Variants in SETD2 observed in about 807,000 individuals in gnomAD.
SETD2 encodes SET domain containing 2, histone lysine methyltransferase.
Under a neutral mutation model 242.1 loss-of-function variants are expected in SETD2, and 31 were observed. The observed-to-expected ratio is 0.13, with a 90% CI of 0.10 to 0.17. The LOEUF (loss-of-function observed/expected upper bound fraction) is 0.17, where lower values mean the gene tolerates loss of function less well. Ranked by LOEUF, SETD2 falls within the 10% of genes least tolerant of loss-of-function variation. SETD2 has a pLI of 1.00. For missense variants in SETD2, 2,481 were observed against 3,046.3 expected (o/e 0.81, Z 4.37); for synonymous variants, 1,006 against 1,066.5 (o/e 0.94, Z 1.11).
chr3:47,052,428 C>T (rs2039886530), intron 15 of SETD2, among the ~76,000 whole-genome samples: 1 of 152,182 alleles, frequency 6.6e-6, no homozygotes, highest in Non-Finnish European at 1.5e-5. Context: ...CTGCTTCAGC[C>T]TCTCAAAGTG....
chr3:47,066,851 G>A (rs1294575298), intron 13 of SETD2: 3 of 406,232 alleles, frequency 7.4e-6, no homozygotes, highest in East Asian at 7.4e-5. Context: ...TGAGTTCAAG[G>A]AAAGCGACAA....
At chr3:47,091,148 GA>G (rs1311663569) in intron 9 of SETD2, among the ~76,000 whole-genome samples, 1 of 152,066 alleles carries the variant, frequency 6.6e-6, no homozygotes, top group African/African-American at 2.4e-5. Context: ...CTTAATCCAA[GA>G]AAGACAATTT....
At chr3:47,159,974 CA>C (rs371726989) in intron 1 of SETD2, among the ~76,000 whole-genome samples, 425 of 126,840 alleles carry the variant, frequency 3.4e-3, no homozygotes, top group Middle Eastern at 0.012. Context: ...GACTCCATTC[CA>C]AAAAAAAAAA....
At position 47,042,552 on chromosome 3, in the gene SETD2, T is replaced by C. The variant is rs2107539152; in HGVS notation, c.7238+9A>G. 6.2e-7 allele frequency: 1 copy of C among 1,614,022 alleles called. No individual in the cohort carries two copies. Among genetic ancestry groups the C allele is most frequent in the Non-Finnish European group, 8.5e-7 (1 of 1,179,964 alleles). ...GCAGACATGGGAACGCCCATACAGC[T>C]CCTCTTACCTTGTGATCACATGGTA... is the stretch of plus-strand genomic sequence containing the variant. On this transcript the variant is annotated intron_variant, in intron 17 of 20. Transcript: ENST00000409792.
At chr3:47,060,814 A>T (rs781077780) in intron 14 of SETD2, among the ~76,000 whole-genome samples, 18 of 152,222 alleles carry the variant, frequency 1.2e-4, no homozygotes, top group Non-Finnish European at 2.1e-4. Flanking sequence ...CAAGCCGTAA[A>T]CTGGGAGAAG....
intron 1 of SETD2, among the ~76,000 whole-genome samples, chr3:47,155,804 T>TCA (rs2044113823): frequency 1.3e-5 from 2 of 152,070 alleles, no homozygotes; most frequent in South Asian, 4.1e-4. Flanking sequence ...AGACCCTGTC[T>TCA]CACACACACA....
At chr3:47,032,861 G>A (rs1008297031) in intron 18 of SETD2, among the ~76,000 whole-genome samples, 1 of 151,266 alleles carries the variant, frequency 6.6e-6, no homozygotes, top group African/African-American at 2.4e-5. Flanking sequence ...GCAATGAGCC[G>A]AGATCGCACC....
At chr3:47,103,503 T>A in intron 6 of SETD2, 80 bp from the exon 7 acceptor site, 1 of 984,746 alleles carries the variant, frequency 1.0e-6, no homozygotes, top group Non-Finnish European at 1.6e-6. Flanking sequence ...TACATACATC[T>A]CTTATGCATC....
chr3:47,036,246 T>C (rs1475994701), intron 18 of SETD2, among the ~76,000 whole-genome samples: 2 of 152,140 alleles, frequency 1.3e-5, no homozygotes, highest in African/African-American at 4.8e-5. Flanking sequence ...AAATATGATA[T>C]CTGATTTCAT....
At chr3:47,145,587 G>C (rs2043833035) in intron 1 of SETD2, 1 of 350,562 alleles carries the variant, frequency 2.9e-6, no homozygotes. Context: ...CCTCACATCA[G>C]GTCATGTGTA....
chr3:47,115,566 A>G (rs913735595), intron 4 of SETD2, among the ~76,000 whole-genome samples: 11 of 152,012 alleles, frequency 7.2e-5, no homozygotes, highest in Admixed American at 1.3e-4. Flanking sequence ...AGCTTTGGGG[A>G]AAAAAAACCT....
At chr3:47,164,158 C>G (rs1207436339), upstream of SETD2, among the ~76,000 whole-genome samples, 3 of 152,306 alleles carry the variant, frequency 2.0e-5, no homozygotes, top group Non-Finnish European at 4.4e-5. The surrounding 1 kb of genome is among the most constrained non-coding windows in gnomAD (Gnocchi z 5.4). Context: ...CCACCCGCCC[C>G]TCAGCTTCGC....
intron 12 of SETD2, among the ~76,000 whole-genome samples, chr3:47,079,775 C>T (rs2041248528): frequency 6.6e-6 from 1 of 152,120 alleles, no homozygotes; most frequent in Non-Finnish European, 1.5e-5. Flanking sequence ...CAAAAACAGA[C>T]AGTGGGGCAG....
intron 2 of SETD2, among the ~76,000 whole-genome samples, chr3:47,125,549 T>G (rs2043299706): frequency 3.3e-5 from 5 of 152,168 alleles, no homozygotes; most frequent in Admixed American, 3.3e-4. Flanking sequence ...CAGAGGAACT[T>G]CCCACCTTAC....
chr3:47,067,534 C>T (rs2040614189), intron 12 of SETD2, among the ~76,000 whole-genome samples: 1 of 151,660 alleles, frequency 6.6e-6, no homozygotes, highest in African/African-American at 2.4e-5. Context: ...TCTGCCCCAG[C>T]CTCCCAAGTA....
At chr3:47,079,411 C>T (rs1468301119) in intron 12 of SETD2, among the ~76,000 whole-genome samples, 1 of 152,152 alleles carries the variant, frequency 6.6e-6, no homozygotes, top group Admixed American at 6.5e-5. Flanking sequence ...AACCAAATCA[C>T]TTCCTAAACA....
intron 5 of SETD2, among the ~76,000 whole-genome samples, chr3:47,108,110 T>A (rs2107703631): frequency 6.6e-6 from 1 of 152,178 alleles, no homozygotes; most frequent in South Asian, 2.1e-4. Context: ...AAATCCCGTC[T>A]CTACCAAAAT....
At chr3:47,103,285 T>C in intron 7 of SETD2, 61 bp downstream of exon 7, 2 of 1,125,218 alleles carry the variant, frequency 1.8e-6, no homozygotes, top group Non-Finnish European at 2.7e-6. Flanking sequence ...GGATCTAAAA[T>C]TAATGGTCAG....
chr3:47,027,336 CAAAAAAAAA>C (rs145911577), intron 18 of SETD2, among the ~76,000 whole-genome samples: 4 of 103,738 alleles, frequency 3.9e-5, no homozygotes, highest in South Asian at 3.0e-4. Context: ...GACTCCATCT[CAAAAAAAAA>C]AAAAAAAAAA....
Sources: allele counts gnomAD v4.1 joint callset (sites outside exome capture counted in the v4.1 genomes callset), GRCh38; gene constraint gnomAD v4.1.1; non-coding constraint Gnocchi (gnomAD v3.1); transcripts MANE v1.5; gene names NCBI Gene and HGNC (gene_info 2026-07-23, HGNC 2026-07-21).